TNPO3: variants seen among roughly 807,000 people sequenced by gnomAD.
The protein encoded by TNPO3 is transportin-3.
In TNPO3, 65 loss-of-function variants were observed where a neutral mutation model predicts 122.8. That is an observed-to-expected ratio of 0.53 (90% CI 0.43 to 0.65). The LOEUF is 0.65. Among genes scored for constraint, TNPO3 ranks in the 30% least tolerant of loss-of-function variants. TNPO3 has a pLI of 0.00. For synonymous variants in TNPO3, 372 were observed against 411.2 expected, an observed-to-expected ratio of 0.90 and a Z score of 1.15; for missense variants, 850 against 1,136.7, an observed-to-expected ratio of 0.75 and a Z score of 3.63.
intron 8 of TNPO3, 107 bp from the exon 9 acceptor site, chr7:128,994,021 G>T: frequency 1.0e-6 from 1 of 1,000,844 alleles, no homozygotes; most frequent in South Asian, 1.6e-5. Flanking sequence ...AAGTTTCAAT[G>T]AACAAAAGTT....
chr7:128,987,466 G>A (rs1477851133), intron 11 of TNPO3, among the ~76,000 whole-genome samples: 2 of 152,170 alleles, frequency 1.3e-5, no homozygotes, highest in South Asian at 2.1e-4. Context: ...CCAAATGTAA[G>A]TGCTCCAAGA....
chr7:128,965,400 G>A (rs114943322), intron 21 of TNPO3, among the ~76,000 whole-genome samples: 16 of 152,300 alleles, frequency 1.1e-4, no homozygotes, highest in East Asian at 7.7e-4. Context: ...CACACTTGGT[G>A]TGAAATGCTA....
At chr7:128,974,718 C>G (rs191253036) in intron 18 of TNPO3, 150 bp downstream of exon 18, 21 of 680,682 alleles carry the variant, frequency 3.1e-5, no homozygotes, top group African/African-American at 2.7e-4. Flanking sequence ...GGGGATATAT[C>G]AGCTTGCAAT....
chr7:128,984,731 G>A (rs1474968536), intron 12 of TNPO3, among the ~76,000 whole-genome samples: 1 of 152,164 alleles, frequency 6.6e-6, no homozygotes, highest in Non-Finnish European at 1.5e-5. Context: ...CACTCTCTGT[G>A]AGGTTATAAG....
At chr7:129,028,131 G>A (rs1805481404) in intron 1 of TNPO3, among the ~76,000 whole-genome samples, 1 of 152,158 alleles carries the variant, frequency 6.6e-6, no homozygotes, top group Non-Finnish European at 1.5e-5. Flanking sequence ...GACAAATGAA[G>A]ATGTTTCTTG....
rs1286081208 is a variant in TNPO3, at chr7:128,954,417, C to T, written c.*1000G>A. 1.3e-5 allele frequency: 2 copies of T among 152,192 alleles called. No homozygotes were observed. The highest frequency in any genetic ancestry group is 4.8e-5 in the African/African-American group (2 of 41,454). The allele number at this position is 152,192 out of a possible 1,614,324, so 9.4% of individuals were successfully genotyped here. A position where few individuals can be genotyped will look rare whatever the true frequency, so the allele number is the denominator to read the frequency against. On this transcript the variant is annotated 3_prime_UTR_variant, in exon 23 of 23. Transcript: ENST00000265388. ...AAATGACACATCATCCCTTGTTAGC[C>T]CTGTAAACATTTTTTCTCCACACAC...
At chr7:129,028,041 A>C (rs1381902042) in intron 1 of TNPO3, among the ~76,000 whole-genome samples, 1 of 152,196 alleles carries the variant, frequency 6.6e-6, no homozygotes, top group Non-Finnish European at 1.5e-5. Context: ...GGAAACTAGA[A>C]ATTTCCCAAA....
chr7:128,987,267 G>C (rs564302122), intron 11 of TNPO3, among the ~76,000 whole-genome samples: 1 of 152,160 alleles, frequency 6.6e-6, no homozygotes, highest in Non-Finnish European at 1.5e-5. Context: ...AGAATGCAAA[G>C]CTCAGGGAGT....
At chr7:128,973,710 TG>T (rs1798725621) in intron 18 of TNPO3, among the ~76,000 whole-genome samples, 1 of 101,142 alleles carries the variant, frequency 9.9e-6, no homozygotes, top group Non-Finnish European at 1.8e-5. Context: ...CACTCCAGCC[TG>T]GGCGACAGAG....
chr7:129,026,863 G>A (rs939983305), intron 1 of TNPO3, among the ~76,000 whole-genome samples: 2 of 152,192 alleles, frequency 1.3e-5, no homozygotes, highest in African/African-American at 4.8e-5. Flanking sequence ...GACCATCACA[G>A]CTCACTGTGG....
Position 129,032,573 on chromosome 7 carries a change from G to A in TNPO3, c.121-14416C>T, listed in dbSNP as rs547963562. ...TTAGTTGCTTCTACATACTAACAAT[G>A]AAAAATCTGAAAAGAAACAATTCCA... On this transcript the variant is annotated intron_variant, in intron 1 of 22. Coordinates refer to ENST00000265388, the MANE Select transcript of TNPO3 (RefSeq NM_012470.4). 2.6e-5 allele frequency among the ~76,000 whole-genome samples: 4 copies of A among 151,938 alleles called. No individual in the cohort carries two copies. In the South Asian group the frequency reaches 8.3e-4, roughly 32 times the overall value.
At chr7:129,016,141 G>A (rs531108448) in intron 3 of TNPO3, among the ~76,000 whole-genome samples, 6 of 152,010 alleles carry the variant, frequency 3.9e-5, no homozygotes, top group South Asian at 2.1e-4. Flanking sequence ...GGTGGCTCAC[G>A]CCTGTAATCC....
intron 22 of TNPO3, 95 bp downstream of exon 22, chr7:128,957,129 C>T (rs1037545164): frequency 9.7e-7 from 1 of 1,036,154 alleles, no homozygotes; most frequent in African/African-American, 1.6e-5. Flanking sequence ...AGCTATAAGA[C>T]TGGTCCCATG....
At chr7:129,027,459 G>A (rs979115643) in intron 1 of TNPO3, among the ~76,000 whole-genome samples, 2 of 149,206 alleles carry the variant, frequency 1.3e-5, no homozygotes, top group East Asian at 4.0e-4. Context: ...TACTTGGGAG[G>A]CTGAGGCAGG....
chr7:129,046,195 CAAAAAAAA>C (rs5887409), intron 1 of TNPO3, among the ~76,000 whole-genome samples: 2 of 79,302 alleles, frequency 2.5e-5, no homozygotes, highest in South Asian at 5.1e-4. Flanking sequence ...GACTCCGTCT[CAAAAAAAA>C]AAAAAAAAAA....
rs776961714 is a variant in TNPO3 at position 129,017,035 on chromosome 7, G to C, written c.343C>G (p.Leu115Val). 1 of 1,612,674 alleles carries C rather than the reference G, an allele frequency of 6.2e-7. No homozygotes were observed. Among genetic ancestry groups the C allele is most frequent in the Non-Finnish European group, 8.5e-7 (1 of 1,179,930 alleles). Residue 115 changes from leucine to valine, a missense_variant, in exon 3 of 23, where the codon CTT (leucine) becomes GTT (valine). Coordinates refer to ENST00000265388, the MANE Select transcript of TNPO3 (RefSeq NM_012470.4). ...TTCCAGGAAGGCATCTGTAGGGCAA[G>C]ATCTGCTATTGCTAAAGCCAGCTGA... ...VTQLALAIAD[L>V]ALQMPSWKGC...
At chr7:129,015,332 A>G (rs550165507) in intron 3 of TNPO3, among the ~76,000 whole-genome samples, 197 bp from the exon 4 acceptor site, 41 of 152,104 alleles carry the variant, frequency 2.7e-4, no homozygotes, top group African/African-American at 9.4e-4. Context: ...TCAATGAAAC[A>G]TAGCCATTAT....
intron 8 of TNPO3, among the ~76,000 whole-genome samples, chr7:128,995,459 T>C (rs1362593466): frequency 6.6e-6 from 1 of 152,052 alleles, no homozygotes; most frequent in African/African-American, 2.4e-5. Flanking sequence ...GAAATTAAGG[T>C]GAAGGAATGA....
intron 13 of TNPO3, 59 bp downstream of exon 13, chr7:128,984,104 ATCTTT>A: frequency 1.9e-6 from 2 of 1,073,280 alleles, no homozygotes; most frequent in Non-Finnish European, 2.6e-6. Flanking sequence ...AAGTAATTTC[ATCTTT>A]TCATTTTTAA....
Sources: gnomAD v4.1 joint callset for allele counts (sites outside exome capture counted in the v4.1 genomes callset) on GRCh38, gnomAD v4.1.1 for gene constraint, MANE v1.5 for transcripts, NCBI Gene and HGNC (gene_info 2026-07-23, HGNC 2026-07-21) for gene names.